The following SBF2 variants were observed in gnomAD, a reference collection of about 807,000 sequenced individuals.
SBF2 encodes the protein SET binding factor 2.
SBF2 carries 112 observed loss-of-function variants against 225.2 expected under a neutral mutation model. The ratio of observed to expected loss-of-function variants is 0.50; its 90% CI spans 0.43 to 0.58. The LOEUF is 0.58. SBF2 is among the 20% of genes least tolerant of loss of function. SBF2 has a pLI of 0.00. For synonymous variants in SBF2, 763 were observed against 773.3 expected (o/e 0.99, Z 0.22); for missense variants, 1,996 against 2,206.2 (o/e 0.90, Z 1.91).
intron 1 of SBF2, among the ~76,000 whole-genome samples, chr11:10,248,220 T>C (rs1959996717): frequency 6.6e-6 from 1 of 152,196 alleles, no homozygotes; most frequent in South Asian, 2.1e-4. Flanking sequence ...ATGTTTGTCC[T>C]AAAGCTAAAG....
intron 6 of SBF2, among the ~76,000 whole-genome samples, chr11:10,015,574 A>G (rs1948617814): frequency 6.6e-6 from 1 of 152,180 alleles, no homozygotes; most frequent in Non-Finnish European, 1.5e-5. Context: ...ATCGTGGTCC[A>G]CCTGGGGTGG....
intron 17 of SBF2, among the ~76,000 whole-genome samples, chr11:9,881,862 C>T (rs11042525): frequency 0.18 from 26,712 of 152,084 alleles, 2,989 homozygotes; most frequent in Non-Finnish European, 0.25. Flanking sequence ...GTGGTGCACA[C>T]CTGTGGTCCC....
At chr11:9,845,909 AG>A (rs1842445060) in intron 23 of SBF2, among the ~76,000 whole-genome samples, 169 bp from the exon 24 acceptor site, 1 of 152,226 alleles carries the variant, frequency 6.6e-6, no homozygotes, top group African/African-American at 2.4e-5. Context: ...AGGCTCAAAA[AG>A]GTTTACTTGC....
chr11:10,258,970 T>C (rs1364391634), intron 1 of SBF2, among the ~76,000 whole-genome samples: 3 of 152,038 alleles, frequency 2.0e-5, no homozygotes, highest in African/African-American at 4.8e-5. Context: ...AGAGAAGGCA[T>C]AGAGAAAAGT....
At chr11:9,936,985 C>CCAA (rs1864944727) in intron 16 of SBF2, among the ~76,000 whole-genome samples, 1 of 151,832 alleles carries the variant, frequency 6.6e-6, no homozygotes, top group Admixed American at 6.6e-5. Flanking sequence ...CTTAAAGGTC[C>CCAA]CACCTCCCAA....
intron 33 of SBF2, among the ~76,000 whole-genome samples, chr11:9,794,739 A>G (rs937143270): frequency 1.4e-5 from 2 of 148,006 alleles, no homozygotes; most frequent in South Asian, 2.1e-4. Context: ...AACCAGTTAT[A>G]CTTACTACCT....
Position 9,895,973 on chromosome 11 carries a change from T to C in SBF2, c.1899A>G (p.Ala633=), listed in dbSNP as rs767146389. Residue 633 remains alanine (A), a synonymous_variant, in exon 17 of 40, where the codon GCA becomes GCG. Coordinates refer to ENST00000256190, the MANE Select transcript of SBF2 (RefSeq NM_030962.4). ...AGAAAGCACTGGTCAAAGGGAGTAA[T>C]GCTGCGGCAATGTTGTATTCTTCTA... ...SSLEEYNIAA[A]LLPLTSAFYR... The C allele has an allele frequency of 1.2e-5, 20 of 1,613,462 alleles. 1 individual carries two copies. The South Asian group carries it at 2.1e-4, about 17-fold the overall frequency.
chr11:9,958,933 G>C, intron 16 of SBF2: 1 of 686,372 alleles, frequency 1.5e-6, no homozygotes, highest in Non-Finnish European at 2.7e-6. Context: ...AGTCGTTGAT[G>C]TTAGAAGTTT....
At chr11:10,202,522 A>G (rs1957600152) in intron 1 of SBF2, among the ~76,000 whole-genome samples, 1 of 152,246 alleles carries the variant, frequency 6.6e-6, no homozygotes, top group Admixed American at 6.5e-5. Flanking sequence ...GAGGGGGCTC[A>G]GGCCTGTAAT....
chr11:10,101,659 C>CTGTGTGTGTGTGTGTG (rs144213559), intron 2 of SBF2, among the ~76,000 whole-genome samples: 8 of 148,158 alleles, frequency 5.4e-5, no homozygotes, highest in African/African-American at 2.0e-4. Flanking sequence ...CTCTCTCGCT[C>CTGTGTGTGTGTGTGTG]TGTGTGTGTG....
At chr11:10,263,185 A>T (rs1387476055) in intron 1 of SBF2, among the ~76,000 whole-genome samples, 2 of 151,894 alleles carry the variant, frequency 1.3e-5, no homozygotes, top group African/African-American at 4.8e-5. Context: ...CCTTTTAAAT[A>T]AAAAAAATCA....
intron 2 of SBF2, among the ~76,000 whole-genome samples, chr11:10,053,442 T>C (rs1163182800): frequency 2.0e-5 from 3 of 152,182 alleles, no homozygotes; most frequent in Admixed American, 1.3e-4. Flanking sequence ...AAAGAAGTGA[T>C]AACAAAGAAC....
At chr11:9,959,176 C>T (rs1386233987) in intron 16 of SBF2, 1 of 814,086 alleles carries the variant, frequency 1.2e-6, no homozygotes, top group East Asian at 2.4e-5. Context: ...CATGCTGATT[C>T]CTTCACAGGG....
intron 17 of SBF2, among the ~76,000 whole-genome samples, chr11:9,883,290 G>GA (rs57274838): frequency 0.079 from 11,604 of 146,522 alleles, 501 homozygotes; most frequent in East Asian, 0.11. Context: ...TTGCTGTGTG[G>GA]AAAAAAAAAA....
At chr11:10,133,470 C>T (rs1369986670) in intron 2 of SBF2, among the ~76,000 whole-genome samples, 2 of 144,652 alleles carry the variant, frequency 1.4e-5, no homozygotes. Context: ...AGCCAAGGCC[C>T]AGCGAGAAAT....
chr11:9,833,008 C>G (rs1855489289), intron 26 of SBF2, among the ~76,000 whole-genome samples: 1 of 152,160 alleles, frequency 6.6e-6, no homozygotes, highest in Non-Finnish European at 1.5e-5. Flanking sequence ...CGTAAGATTA[C>G]CAGATTAATG....
intron 2 of SBF2, among the ~76,000 whole-genome samples, chr11:10,111,582 A>C (rs1952848184): frequency 6.6e-6 from 1 of 152,268 alleles, no homozygotes. Context: ...ATAAAGAACA[A>C]AAATTTTACT....
At position 10,118,867 on chromosome 11, in the gene SBF2, T is replaced by C. The variant is rs1953294348; in HGVS notation, c.141+75035A>G. Among the ~76,000 whole-genome samples, 2 of 151,308 alleles carry C rather than the reference T, an allele frequency of 1.3e-5. 1 individual carries two copies. The highest frequency in any genetic ancestry group is 4.9e-5 in the African/African-American group (2 of 41,230). On this transcript the variant is annotated intron_variant, in intron 2 of 39. Coordinates refer to ENST00000256190, the MANE Select transcript of SBF2 (RefSeq NM_030962.4). ...TAAGGTTCATTTAGCAAATAACTAT[T>C]GTCTTTATTCTGCTGATCACCTGAA...
At chr11:10,146,606 A>G (rs1312929683) in intron 2 of SBF2, among the ~76,000 whole-genome samples, 2 of 152,238 alleles carry the variant, frequency 1.3e-5, no homozygotes, top group African/African-American at 4.8e-5. Flanking sequence ...GTAAAACCCA[A>G]AACAATAAAA....
Sources: allele counts gnomAD v4.1 joint callset (sites outside exome capture counted in the v4.1 genomes callset), GRCh38; gene constraint gnomAD v4.1.1; transcripts MANE v1.5; gene names NCBI Gene and HGNC (gene_info 2026-07-23, HGNC 2026-07-21).